XPNPEP3: variants seen among roughly 807,000 people sequenced by gnomAD.
The protein encoded by XPNPEP3 is X-prolyl aminopeptidase 3.
In XPNPEP3, 41 loss-of-function variants were observed where a neutral mutation model predicts 60.0. The observed-to-expected ratio is 0.68, with a 90% CI of 0.53 to 0.89. XPNPEP3 has a LOEUF of 0.89. Among genes scored for constraint, XPNPEP3 ranks in the 40% least tolerant of loss-of-function variants. XPNPEP3 has a pLI of 0.00. For missense variants in XPNPEP3, 598 were observed against 638.9 expected (o/e 0.94, Z 0.69); for synonymous variants, 212 against 223.2 (o/e 0.95, Z 0.45).
intron 1 of XPNPEP3, chr22:40,862,285 C>G (rs2057954975): frequency 4.6e-6 from 5 of 1,094,658 alleles, no homozygotes; most frequent in Non-Finnish European, 5.6e-6. Flanking sequence ...CCTGAATCCT[C>G]TGGACTGTTT....
At chr22:40,920,680 T>C (rs868395466) in intron 7 of XPNPEP3, among the ~76,000 whole-genome samples, 1 of 152,190 alleles carries the variant, frequency 6.6e-6, no homozygotes, top group Non-Finnish European at 1.5e-5. Context: ...ATCAGTAAAG[T>C]TGCCTGATGC....
intron 9 of XPNPEP3, among the ~76,000 whole-genome samples, chr22:40,925,542 C>T (rs1036340477): frequency 2.0e-5 from 3 of 152,142 alleles, no homozygotes; most frequent in African/African-American, 7.2e-5. Flanking sequence ...GACTGCGCTA[C>T]ATTTTCCTTT....
intron 7 of XPNPEP3, 109 bp downstream of exon 7, chr22:40,914,433 T>A: frequency 1.1e-6 from 1 of 940,238 alleles, no homozygotes; most frequent in South Asian, 1.4e-5. Flanking sequence ...CCATTCCTGG[T>A]CAAGTTAGGT....
intron 2 of XPNPEP3, among the ~76,000 whole-genome samples, chr22:40,870,554 CAG>C (rs755474596): frequency 5.8e-4 from 88 of 152,054 alleles, no homozygotes; most frequent in Non-Finnish European, 5.0e-4. Flanking sequence ...AATTTTAAAA[CAG>C]AATTATTAGT....
chr22:40,874,577 C>A (rs1480383859), intron 2 of XPNPEP3, among the ~76,000 whole-genome samples: 2 of 152,066 alleles, frequency 1.3e-5, no homozygotes, highest in African/African-American at 4.8e-5. Flanking sequence ...AGGCATGCAC[C>A]ATCATGCCCA....
intron 4 of XPNPEP3, among the ~76,000 whole-genome samples, chr22:40,892,950 C>T (rs118095432): frequency 0.028 from 4,330 of 152,024 alleles, 94 homozygotes; most frequent in Non-Finnish European, 0.042. Context: ...ACAGATGGAA[C>T]ATGGCATGAG....
intron 4 of XPNPEP3, among the ~76,000 whole-genome samples, chr22:40,906,402 T>G (rs1006090453): frequency 1.4e-5 from 2 of 146,242 alleles, no homozygotes; most frequent in Non-Finnish European, 3.0e-5. Flanking sequence ...GCCTGTGGGA[T>G]GGAGTGAGAC....
At chr22:40,909,497 G>C (rs549903879) in intron 6 of XPNPEP3, among the ~76,000 whole-genome samples, 1 of 152,326 alleles carries the variant, frequency 6.6e-6, no homozygotes, top group South Asian at 2.1e-4. Context: ...AGGCATGGTA[G>C]CTCAGGCCTG....
intron 4 of XPNPEP3, among the ~76,000 whole-genome samples, chr22:40,892,372 A>C (rs1183448721): frequency 2.6e-5 from 4 of 151,984 alleles, no homozygotes; most frequent in Non-Finnish European, 5.9e-5. Context: ...TTTTTAGTAG[A>C]GACGGGGTTT....
At chr22:40,871,320 T>TC (rs1442361383) in intron 2 of XPNPEP3, among the ~76,000 whole-genome samples, 8 of 152,280 alleles carry the variant, frequency 5.3e-5, no homozygotes, top group African/African-American at 1.9e-4. Flanking sequence ...GCCTCTGCAC[T>TC]CCATCTTGGG....
intron 4 of XPNPEP3, among the ~76,000 whole-genome samples, chr22:40,902,182 C>G (rs1310801416): frequency 1.4e-5 from 2 of 147,002 alleles, no homozygotes; most frequent in South Asian, 2.1e-4. Flanking sequence ...AAGCGATTCT[C>G]CTGCCTCCTG....
chr22:40,916,532 C>A (rs1208066594), intron 7 of XPNPEP3, among the ~76,000 whole-genome samples: 1 of 152,080 alleles, frequency 6.6e-6, no homozygotes, highest in East Asian at 1.9e-4. Context: ...GCTAACAAAA[C>A]CAAACACTAG....
chr22:40,900,348 T>C, intron 4 of XPNPEP3, among the ~76,000 whole-genome samples: 1 of 148,924 alleles, frequency 6.7e-6, no homozygotes, highest in Admixed American at 6.7e-5. Flanking sequence ...CCCACGCCTA[T>C]AATCCCAGTA....
rs2057993095 is a variant in XPNPEP3, at chr22:40,869,074, G to T, written c.140G>T (p.Gly47Val). The T allele has an allele frequency of 6.2e-7, 1 of 1,613,974 alleles. No homozygotes were observed. The highest frequency in any genetic ancestry group is 8.5e-7 in the Non-Finnish European group (1 of 1,179,936). ...PERRIPNRYL[G>V]QPSPFTHPHL... ...AGGAGGATTCCAAACCGATACTTAG[G>T]CCAGCCCAGCCCCTTTACACACCCA... is the stretch of plus-strand genomic sequence containing the variant. The change falls in exon 2 of 10, where the codon GGC becomes GTC. Residue 47 changes from glycine (G) to valine (V), a missense_variant. Coordinates refer to ENST00000357137, the MANE Select transcript of XPNPEP3 (RefSeq NM_022098.4).
At chr22:40,868,086 A>G (rs750284693) in intron 1 of XPNPEP3, among the ~76,000 whole-genome samples, 3 of 152,150 alleles carry the variant, frequency 2.0e-5, no homozygotes, top group Non-Finnish European at 1.5e-5. Flanking sequence ...CTTGTCATTC[A>G]TGTGTCTTTC....
chr22:40,903,662 GTA>G (rs1480331568), intron 4 of XPNPEP3, among the ~76,000 whole-genome samples: 1 of 151,882 alleles, frequency 6.6e-6, no homozygotes. Flanking sequence ...GCTAATTTTT[GTA>G]TTTTTAGTAG....
chr22:40,869,652 CA>C (rs947421799), intron 2 of XPNPEP3, among the ~76,000 whole-genome samples: 4 of 151,792 alleles, frequency 2.6e-5, no homozygotes, highest in African/African-American at 4.8e-5. Context: ...AAAGGTGATG[CA>C]AAAAAATGAT....
At position 40,909,229 on chromosome 22, in the gene XPNPEP3, C is replaced by T. The variant is rs759612541; in HGVS notation, c.963C>T (p.Leu321=). The T allele has an allele frequency of 6.3e-5, 101 of 1,613,888 alleles. No homozygotes were observed. The East Asian group carries it at 2.2e-3, about 35-fold the overall frequency. The change falls in exon 6 of 10, where the codon CTC becomes CTT. Residue 321 remains leucine (L), a synonymous_variant. Transcript: ENST00000357137. ...NTLHYVKNNQ[L]IKDGEMVLLD... Reference sequence around the variant, plus strand: ...TGCACTATGTGAAAAATAATCAACTCATCAAGGTACGTGAGATGCCCTCAG... The same window carrying T: ...TGCACTATGTGAAAAATAATCAACTTATCAAGGTACGTGAGATGCCCTCAG...
intron 7 of XPNPEP3, among the ~76,000 whole-genome samples, chr22:40,919,103 T>C (rs963148244): frequency 7.9e-5 from 12 of 152,142 alleles, no homozygotes; most frequent in African/African-American, 2.9e-4. Context: ...TGTTTTACAA[T>C]TAAAAATTTT....
Sources: allele counts gnomAD v4.1 joint callset (sites outside exome capture counted in the v4.1 genomes callset), GRCh38; gene constraint gnomAD v4.1.1; transcripts MANE v1.5; gene names NCBI Gene and HGNC (gene_info 2026-07-23, HGNC 2026-07-21).